Variants in MMRN1 observed in about 807,000 individuals in gnomAD.
The protein encoded by MMRN1 is multimerin 1, also known as multimerin-1.
In MMRN1, 94 loss-of-function variants were observed where a neutral mutation model predicts 100.7. The ratio of observed to expected loss-of-function variants is 0.93; its 90% CI spans 0.79 to 1.11. MMRN1 has a LOEUF of 1.11. MMRN1 is among the 50% of genes least tolerant of loss of function. MMRN1 has a pLI of 0.00. For synonymous variants in MMRN1, 575 were observed against 505.0 expected (o/e 1.14, Z -1.86); for missense variants, 1,606 against 1,439.1 (o/e 1.12, Z -1.88).
At chr4:89,919,827 C>T (rs1028439126) in intron 3 of MMRN1, among the ~76,000 whole-genome samples, 6 of 151,948 alleles carry the variant, frequency 3.9e-5, no homozygotes, top group African/African-American at 1.4e-4. Context: ...ACTTCTGGAC[C>T]ATAATTATCA....
chr4:89,938,108 AAT>A (rs1425650026), intron 6 of MMRN1, among the ~76,000 whole-genome samples: 1 of 151,988 alleles, frequency 6.6e-6, no homozygotes, highest in East Asian at 1.9e-4. Flanking sequence ...ATTCTAACAT[AAT>A]ATGACTTCAT....
intron 1 of MMRN1, among the ~76,000 whole-genome samples, chr4:89,883,699 A>G (rs973299582): frequency 3.9e-5 from 6 of 152,116 alleles, no homozygotes; most frequent in Non-Finnish European, 8.8e-5. Flanking sequence ...TGGCTTGCCA[A>G]TTTGTTTTCA....
chr4:89,908,345 A>C (rs1171897565), intron 1 of MMRN1, among the ~76,000 whole-genome samples: 1 of 151,466 alleles, frequency 6.6e-6, no homozygotes, highest in Non-Finnish European at 1.5e-5. Flanking sequence ...AGCCAGGGAC[A>C]AAATTCTCTG....
At chr4:89,937,364 A>G (rs1368601225) in intron 6 of MMRN1, among the ~76,000 whole-genome samples, 2 of 152,094 alleles carry the variant, frequency 1.3e-5, no homozygotes, top group African/African-American at 4.8e-5. Flanking sequence ...ACTCAGAAGC[A>G]TGAAGCTAGC....
chr4:89,908,822 C>G (rs1193330375), intron 1 of MMRN1, among the ~76,000 whole-genome samples: 1 of 151,544 alleles, frequency 6.6e-6, no homozygotes, highest in African/African-American at 2.4e-5. Flanking sequence ...TGGTTACAAT[C>G]ATATCCACTG....
chr4:89,938,837 T>G (rs1483249405), intron 6 of MMRN1, among the ~76,000 whole-genome samples: 2 of 152,110 alleles, frequency 1.3e-5, no homozygotes, highest in African/African-American at 2.4e-5. Context: ...AAGTTCTTTA[T>G]TTTATTTAAG....
At chr4:89,894,567 A>G (rs1721128092), upstream of MMRN1, among the ~76,000 whole-genome samples, 1 of 152,200 alleles carries the variant, frequency 6.6e-6, no homozygotes, top group Non-Finnish European at 1.5e-5. Flanking sequence ...TTCAGCCTAT[A>G]TCAACAAAAT....
intron 1 of MMRN1, among the ~76,000 whole-genome samples, chr4:89,897,283 A>C (rs958826711): frequency 6.6e-6 from 1 of 151,340 alleles, no homozygotes. Context: ...ATCTCGGCTC[A>C]CTGCAATCTT....
Position 89,887,528 on chromosome 4 carries a change from G to C in MMRN1, c.-248-7196G>C, listed in dbSNP as rs557687236. 6.6e-5 allele frequency among the ~76,000 whole-genome samples: 10 copies of C among 152,040 alleles called. No homozygotes were observed. The South Asian group carries it at 1.9e-3, about 28-fold the overall frequency. On this transcript the variant is annotated intron_variant, in intron 1 of 8. Coordinates refer to the MMRN1 transcript ENST00000394980. ...CAGTGATTTTGGCTTCACATATTTTGAAACACTACTAGGTACATTTATATT... is the reference window on the plus strand; with the variant it reads ...CAGTGATTTTGGCTTCACATATTTTCAAACACTACTAGGTACATTTATATT...
At position 89,935,469 on chromosome 4, in the gene MMRN1, T is replaced by C; in HGVS notation, c.1789T>C (p.Ser597Pro). Reference protein sequence around the residue: ...SLRGECEDMLSKCRNDFKFQL... With the variant: ...SLRGECEDMLPKCRNDFKFQL... ...CAGAGGTGAATGTGAAGACATGTTATCCAAATGCAGAAATGATTTTAAATT... is the reference window on the plus strand; with the variant it reads ...CAGAGGTGAATGTGAAGACATGTTACCCAAATGCAGAAATGATTTTAAATT... Residue 597 changes from serine to proline, a missense_variant, in exon 6 of 8, where the codon TCC becomes CCC. Transcript: ENST00000264790. 7 of 1,613,562 alleles carry C rather than the reference T, an allele frequency of 4.3e-6. No individual in the cohort carries two copies. Among genetic ancestry groups the C allele is most frequent in the Non-Finnish European group, 5.1e-6 (6 of 1,179,774 alleles).
At chr4:89,886,929 G>T (rs1221888955) in intron 1 of MMRN1, among the ~76,000 whole-genome samples, 2 of 151,940 alleles carry the variant, frequency 1.3e-5, no homozygotes, top group Non-Finnish European at 2.9e-5. Flanking sequence ...TCACCCTATT[G>T]TGCTACTGAA....
Position 89,884,519 on chromosome 4 carries a change from A to G in MMRN1, c.-249+4917A>G, listed in dbSNP as rs547625603. The stretch of plus-strand genomic sequence containing the variant: ...CTAGCATATGAACTACGATTAATAC[A>G]TGAATATTAATCCTTTATCATGTGA... On this transcript the variant is annotated intron_variant, in intron 1 of 8. Coordinates refer to the MMRN1 transcript ENST00000394980. 3.9e-5 allele frequency among the ~76,000 whole-genome samples: 6 copies of G among 152,264 alleles called. No individual in the cohort carries two copies. The South Asian group carries it at 1.2e-3, about 32-fold the overall frequency.
intron 5 of MMRN1, among the ~76,000 whole-genome samples, chr4:89,931,818 A>C (rs765237864): frequency 2.0e-5 from 3 of 152,120 alleles, no homozygotes; most frequent in Non-Finnish European, 1.5e-5. Context: ...CCCTCCCACA[A>C]TGCATGGGTA....
At chr4:89,882,973 T>C (rs988078951) in intron 1 of MMRN1, among the ~76,000 whole-genome samples, 6 of 152,046 alleles carry the variant, frequency 3.9e-5, no homozygotes, top group African/African-American at 1.4e-4. Flanking sequence ...TGTAAATTAG[T>C]ATTTCTTGCT....
rs1272449478 is a variant in MMRN1 at position 89,935,058 on chromosome 4, A to T, written c.1378A>T (p.Arg460Trp). 1.2e-6 allele frequency: 2 copies of T among 1,613,738 alleles called. No homozygotes were observed. The highest frequency in any genetic ancestry group is 2.2e-5 in the South Asian group (2 of 91,050). The change falls in exon 6 of 8, where the codon AGG (arginine) becomes TGG (tryptophan). Residue 460 changes from arginine (R) to tryptophan (W), a missense_variant. By Grantham distance (101) the Arg-to-Trp change is moderately radical (BLOSUM62 -3). Transcript: ENST00000264790. ...CACTTTGACTGATATAGTGGAACTAAGGAATCACATTGTGAATGTAAGGCA... is the reference window on the plus strand; with the variant it reads ...CACTTTGACTGATATAGTGGAACTATGGAATCACATTGTGAATGTAAGGCA... ...RPTLTDIVEL[R>W]NHIVNVRQEM...
At chr4:89,884,352 G>C (rs1266253207) in intron 1 of MMRN1, among the ~76,000 whole-genome samples, 1 of 151,718 alleles carries the variant, frequency 6.6e-6, no homozygotes, top group Non-Finnish European at 1.5e-5. Context: ...TACTTATTCG[G>C]GTGTTTCAAA....
At chr4:89,923,311 T>C (rs1192313533) in intron 4 of MMRN1, 39 bp downstream of exon 4, 2 of 1,529,168 alleles carry the variant, frequency 1.3e-6, no homozygotes, top group Admixed American at 1.7e-5. Flanking sequence ...GACCCAATTA[T>C]TGTCAATGCT....
chr4:89,936,532 A>G lies in MMRN1; in HGVS notation c.2852A>G (p.His951Arg). 1.9e-6 allele frequency: 3 copies of G among 1,613,138 alleles called. No individual in the cohort carries two copies. The highest frequency in any genetic ancestry group is 3.3e-4 in the Middle Eastern group (2 of 6,054). Residue 951 changes from histidine to arginine, a missense_variant, in exon 6 of 8, where the codon CAT becomes CGT. Transcript: ENST00000264790. Reference sequence around the variant, plus strand: ...GCTACCATCCCTAAGTGGATAAAACATTCCCTGCCAGATATTCAACTTCTT... The same window carrying G: ...GCTACCATCCCTAAGTGGATAAAACGTTCCCTGCCAGATATTCAACTTCTT... ...LNATIPKWIKHSLPDIQLLQK... is the reference protein window; with the variant it reads ...LNATIPKWIKRSLPDIQLLQK...
At chr4:89,912,783 AT>A (rs1721796336) in intron 3 of MMRN1, among the ~76,000 whole-genome samples, 1 of 151,330 alleles carries the variant, frequency 6.6e-6, no homozygotes, top group Admixed American at 6.6e-5. Context: ...GTGATTAAAA[AT>A]TAATAAAACT....
Sources: gnomAD v4.1 joint callset for allele counts (sites outside exome capture counted in the v4.1 genomes callset) on GRCh38, gnomAD v4.1.1 for gene constraint, MANE v1.5 for transcripts, NCBI Gene and HGNC (gene_info 2026-07-23, HGNC 2026-07-21) for gene names.